Variants in FBXL17 observed in about 807,000 individuals in gnomAD.
FBXL17 encodes F-box and leucine rich repeat protein 17, also known as F-box/LRR-repeat protein 17.
A neutral mutation model predicts 66.2 loss-of-function variants in FBXL17; 22 were observed. The ratio of observed to expected loss-of-function variants is 0.33; its 90% CI spans 0.24 to 0.47. The LOEUF is 0.47. Among genes scored for constraint, FBXL17 ranks in the 20% least tolerant of loss-of-function variants. The pLI is 1.00. For synonymous variants in FBXL17, 474 were observed against 400.5 expected, an observed-to-expected ratio of 1.18 and a Z score of -2.19; for missense variants, 878 against 948.2, an observed-to-expected ratio of 0.93 and a Z score of 0.97.
intron 4 of FBXL17, among the ~76,000 whole-genome samples, chr5:108,337,548 C>T (rs1338485889): frequency 2.6e-5 from 4 of 151,740 alleles, no homozygotes; most frequent in Non-Finnish European, 4.4e-5. Flanking sequence ...TTAGTAAGAA[C>T]TAACTAAATA....
rs117282011 is a variant in FBXL17 at position 108,011,762 on chromosome 5, C to T, written c.1822+9163G>A. The stretch of plus-strand genomic sequence containing the variant: ...TCACTGGAACCTGGGAGGTGGAGGT[C>T]GCAGTGAGTTAAGATCTCGCCACTG... On this transcript the variant is annotated intron_variant, in intron 7 of 8. Transcript: ENST00000542267. 0.017 allele frequency among the ~76,000 whole-genome samples: 2,602 copies of T among 152,102 alleles called. 147 individuals are homozygous for T. In the East Asian group the frequency reaches 0.19, roughly 11 times the overall value.
intron 6 of FBXL17, among the ~76,000 whole-genome samples, chr5:108,096,164 T>C (rs1225186166): frequency 1.3e-5 from 2 of 152,200 alleles, no homozygotes; most frequent in Non-Finnish European, 2.9e-5. Context: ...TCATAAATGT[T>C]AGTTATCCTT....
chr5:108,099,502 C>G (rs535669199), intron 6 of FBXL17, among the ~76,000 whole-genome samples: 26 of 152,226 alleles, frequency 1.7e-4, no homozygotes, highest in African/African-American at 6.3e-4. Context: ...AAAAATCAGA[C>G]AAAAAGCAGT....
At chr5:108,336,827 A>G (rs1760405781) in intron 4 of FBXL17, among the ~76,000 whole-genome samples, 1 of 152,170 alleles carries the variant, frequency 6.6e-6, no homozygotes, top group Non-Finnish European at 1.5e-5. Flanking sequence ...TATTTCACCA[A>G]TTCAGTAAAT....
chr5:108,208,803 T>C (rs1001547720), intron 5 of FBXL17, among the ~76,000 whole-genome samples: 5 of 152,190 alleles, frequency 3.3e-5, no homozygotes, highest in African/African-American at 4.8e-5. Context: ...GGCTCTTTTT[T>C]GGTTCCATAT....
At chr5:108,009,955 G>A (rs894563170) in intron 7 of FBXL17, among the ~76,000 whole-genome samples, 2 of 152,122 alleles carry the variant, frequency 1.3e-5, no homozygotes, top group East Asian at 1.9e-4. Context: ...TGTCCATTTT[G>A]TACCGAGGAA....
intron 7 of FBXL17, among the ~76,000 whole-genome samples, chr5:107,884,819 T>C (rs1356562178): frequency 6.6e-6 from 1 of 152,200 alleles, no homozygotes; most frequent in Non-Finnish European, 1.5e-5. Flanking sequence ...GTGGCTCAAG[T>C]GAGATGACAG....
chr5:107,926,421 C>A (rs1750526002), intron 7 of FBXL17, among the ~76,000 whole-genome samples: 1 of 152,110 alleles, frequency 6.6e-6, no homozygotes, highest in African/African-American at 2.4e-5. Context: ...CTTGCATCTT[C>A]ATTTTCTGAT....
chr5:108,273,152 A>C (rs1181209951), intron 4 of FBXL17, among the ~76,000 whole-genome samples: 2 of 152,116 alleles, frequency 1.3e-5, no homozygotes, highest in African/African-American at 4.8e-5. Flanking sequence ...ACAAGGTAAA[A>C]GAATATCACA....
At chr5:107,888,143 T>C (rs542317502) in intron 7 of FBXL17, among the ~76,000 whole-genome samples, 13 of 152,330 alleles carry the variant, frequency 8.5e-5, no homozygotes, top group African/African-American at 3.1e-4. Flanking sequence ...AGTTCTTTTT[T>C]TGCAATATTT....
rs148241829 is a variant in FBXL17 at position 108,274,855 on chromosome 5, T to C, written c.1507-50627A>G. 5.3e-3 allele frequency among the ~76,000 whole-genome samples: 806 copies of C among 152,324 alleles called. 10 individuals are homozygous for C. Among genetic ancestry groups the C allele is most frequent in the African/African-American group, 0.018 (764 of 41,564 alleles). ...AAATAACATTAAGGATTTTGTATGT[T>C]ACAACTTTTACATTTATTACAATAT... On this transcript the variant is annotated intron_variant, in intron 4 of 8. Coordinates refer to ENST00000542267, the MANE Select transcript of FBXL17 (RefSeq NM_001163315.3).
At chr5:108,023,842 TAA>T (rs1298021185) in intron 6 of FBXL17, among the ~76,000 whole-genome samples, 1 of 152,038 alleles carries the variant, frequency 6.6e-6, no homozygotes, top group African/African-American at 2.4e-5. Flanking sequence ...CTGATACCAA[TAA>T]AAGAGAGAAA....
intron 6 of FBXL17, among the ~76,000 whole-genome samples, chr5:108,050,098 G>C (rs1391628924): frequency 1.3e-5 from 2 of 152,184 alleles, no homozygotes; most frequent in Non-Finnish European, 2.9e-5. Context: ...CAAGTCCTTA[G>C]AGGCCTAGAA....
chr5:107,981,094 G>A (rs77585432), intron 7 of FBXL17, among the ~76,000 whole-genome samples: 14,379 of 152,196 alleles, frequency 0.094, 939 homozygotes, highest in Non-Finnish European at 0.14. Context: ...ACAACTGTGA[G>A]GGAAAATGGG....
At chr5:108,150,446 C>T (rs141463719) in intron 6 of FBXL17, among the ~76,000 whole-genome samples, 1 of 152,282 alleles carries the variant, frequency 6.6e-6, no homozygotes, top group Admixed American at 6.5e-5. Context: ...TCAAGTAATC[C>T]TCTGGCTTCC....
chr5:107,962,383 A>G (rs1213161336), intron 7 of FBXL17, among the ~76,000 whole-genome samples: 4 of 152,182 alleles, frequency 2.6e-5, no homozygotes, highest in Non-Finnish European at 5.9e-5. Context: ...CTAGTATATA[A>G]ATTGCTACCA....
intron 6 of FBXL17, among the ~76,000 whole-genome samples, chr5:108,042,748 G>A (rs932262096): frequency 4.6e-5 from 7 of 152,210 alleles, no homozygotes; most frequent in Non-Finnish European, 8.8e-5. Flanking sequence ...TTCATTTCCC[G>A]AAGACAAATG....
intron 7 of FBXL17, among the ~76,000 whole-genome samples, chr5:107,911,984 G>C (rs1163527216): frequency 1.3e-5 from 2 of 152,062 alleles, no homozygotes; most frequent in Non-Finnish European, 2.9e-5. Context: ...TTTATCATTG[G>C]ACAGAACAGC....
intron 4 of FBXL17, among the ~76,000 whole-genome samples, chr5:108,284,772 TAA>T (rs1367245420): frequency 2.6e-5 from 4 of 151,880 alleles, no homozygotes; most frequent in African/African-American, 9.7e-5. Flanking sequence ...TTTGCTGGCA[TAA>T]AGTTTTGCCT....
Sources: gnomAD v4.1 joint callset for allele counts (sites outside exome capture counted in the v4.1 genomes callset) on GRCh38, gnomAD v4.1.1 for gene constraint, MANE v1.5 for transcripts, NCBI Gene and HGNC (gene_info 2026-07-23, HGNC 2026-07-21) for gene names.